CADPS2: variants seen among roughly 807,000 people sequenced by gnomAD.
CADPS2 encodes calcium-dependent secretion activator 2.
Under a neutral mutation model 172.5 loss-of-function variants are expected in CADPS2, and 93 were observed. That is an observed-to-expected ratio of 0.54 (90% CI 0.46 to 0.64). The LOEUF is 0.64. Among genes scored for constraint, CADPS2 ranks in the 30% least tolerant of loss-of-function variants. The pLI, the probability that CADPS2 is intolerant of heterozygous loss-of-function variation, is 0.00. For synonymous variants in CADPS2, 546 were observed against 555.2 expected (o/e 0.98, Z 0.23); for missense variants, 1,420 against 1,565.9 (o/e 0.91, Z 1.57).
intron 11 of CADPS2, among the ~76,000 whole-genome samples, chr7:122,485,522 G>T (rs2057719327): frequency 6.6e-6 from 1 of 152,204 alleles, no homozygotes; most frequent in South Asian, 2.1e-4. Flanking sequence ...TGACAGCTGA[G>T]AGAGGTGAAG....
At position 122,680,148 on chromosome 7, in the gene CADPS2, C is replaced by T. The variant is rs886769104; in HGVS notation, c.454-16579G>A. 4.6e-5 allele frequency among the ~76,000 whole-genome samples: 7 copies of T among 152,160 alleles called. No individual in the cohort carries two copies. The South Asian group carries it at 8.3e-4, about 18-fold the overall frequency. On this transcript the variant is annotated intron_variant, in intron 2 of 29. Transcript: ENST00000449022. ...CCTTTCTTGGCACACAAAAAAAGTACAATATCTGACCTCTGTTTTTATTTA... is the reference window on the plus strand; with the variant it reads ...CCTTTCTTGGCACACAAAAAAAGTATAATATCTGACCTCTGTTTTTATTTA...
At chr7:122,615,145 A>G (rs1450518880) in intron 6 of CADPS2, 36 bp downstream of exon 6, 12 of 1,282,510 alleles carry the variant, frequency 9.4e-6, no homozygotes, top group Non-Finnish European at 1.2e-5. Context: ...AAAAAAACAA[A>G]CAACAACAAT....
intron 1 of CADPS2, among the ~76,000 whole-genome samples, chr7:122,773,102 C>G (rs1423517857): frequency 3.3e-5 from 5 of 151,968 alleles, no homozygotes; most frequent in Non-Finnish European, 7.4e-5. Flanking sequence ...TAAATTATTT[C>G]AAATGTCCAA....
At chr7:122,388,810 T>C (rs2044010224) in intron 22 of CADPS2, 72 bp from the exon 23 acceptor site, 4 of 1,328,498 alleles carry the variant, frequency 3.0e-6, no homozygotes, top group Non-Finnish European at 1.0e-6. Flanking sequence ...CATTGTTTTT[T>C]CTTTTCTGCA....
intron 3 of CADPS2, among the ~76,000 whole-genome samples, chr7:122,638,495 T>G (rs1439391859): frequency 1.3e-5 from 2 of 151,854 alleles, no homozygotes; most frequent in Non-Finnish European, 2.9e-5. Flanking sequence ...CAAGAGGGAG[T>G]AGAGCAATCT....
intron 5 of CADPS2, among the ~76,000 whole-genome samples, chr7:122,619,089 T>C (rs892309065): frequency 2.6e-5 from 4 of 152,120 alleles, no homozygotes; most frequent in African/African-American, 4.8e-5. Flanking sequence ...ATATTGGCAA[T>C]AAAGCACAGA....
intron 28 of CADPS2, among the ~76,000 whole-genome samples, chr7:122,335,590 G>A (rs2035737144): frequency 6.6e-6 from 1 of 152,206 alleles, no homozygotes; most frequent in Admixed American, 6.5e-5. Flanking sequence ...GAGGTCAGTA[G>A]AGCAAAAGTA....
At chr7:122,698,987 T>A (rs1282404899) in intron 2 of CADPS2, 4 of 1,143,064 alleles carry the variant, frequency 3.5e-6, no homozygotes, top group Non-Finnish European at 3.7e-6. Context: ...TAATTTAAAA[T>A]AACGAAGAGA....
In CADPS2 at chr7:122,774,267, T is replaced by TAC. The variant is rs1204089273; in HGVS notation, c.340-37200_340-37199insGT. On this transcript the variant is annotated intron_variant, in intron 1 of 29. Transcript: ENST00000449022. ...ATATATATATATAGACATAGATAGATATACACACACACACACACACACACA... is the reference window on the plus strand; with the variant it reads ...ATATATATATATAGACATAGATAGATACATACACACACACACACACACACACA... Among the ~76,000 whole-genome samples the TAC allele has an allele frequency of 8.4e-4, 101 of 119,576 alleles. No individual in the cohort carries two copies. The East Asian group carries it at 0.013, about 15-fold the overall frequency. 78.4% of individuals were successfully genotyped at this position (119,576 alleles called of 152,430 possible).
At chr7:122,429,661 A>C (rs1338733190) in intron 17 of CADPS2, among the ~76,000 whole-genome samples, 1 of 152,104 alleles carries the variant, frequency 6.6e-6, no homozygotes, top group African/African-American at 2.4e-5. Context: ...TAAGATACAA[A>C]TTACTTTTTG....
intron 1 of CADPS2, among the ~76,000 whole-genome samples, chr7:122,853,325 G>A (rs1323385500): frequency 1.3e-5 from 2 of 152,164 alleles, no homozygotes; most frequent in African/African-American, 2.4e-5. Context: ...CCCCTGTGGG[G>A]TACACCCTCC....
intron 8 of CADPS2, among the ~76,000 whole-genome samples, chr7:122,551,617 T>C (rs1189339511): frequency 1.3e-5 from 2 of 152,082 alleles, no homozygotes; most frequent in East Asian, 1.9e-4. Flanking sequence ...AAGTCTAAAG[T>C]GCTCTGAAGA....
intron 4 of CADPS2, among the ~76,000 whole-genome samples, chr7:122,624,804 T>C (rs1178104755): frequency 6.6e-6 from 1 of 152,206 alleles, no homozygotes; most frequent in Non-Finnish European, 1.5e-5. Context: ...GTGTCTGCTA[T>C]GTGTTCTGCT....
At chr7:122,876,695 G>T (rs889134911) in intron 1 of CADPS2, among the ~76,000 whole-genome samples, 6 of 151,900 alleles carry the variant, frequency 3.9e-5, no homozygotes, top group Admixed American at 3.3e-4. Context: ...TTTTTAGGAA[G>T]AATATAATCT....
chr7:122,358,641 G>A (rs930825825), intron 27 of CADPS2, among the ~76,000 whole-genome samples: 6 of 152,110 alleles, frequency 3.9e-5, no homozygotes, highest in Admixed American at 6.5e-5. Flanking sequence ...GTGAGCCAGC[G>A]CTCTTTTTCT....
In CADPS2 at chr7:122,569,558, GA is replaced by G. The variant is rs1395648245; in HGVS notation, c.1335+11620del. On this transcript the variant is annotated intron_variant, in intron 7 of 29. Coordinates refer to ENST00000449022, the MANE Select transcript of CADPS2 (RefSeq NM_017954.11). ...TTAAAGTTCATATGGAACCAAAAAA[GA>G]GCCTGCATTGCCAAGACAATCCTAA... is the stretch of plus-strand genomic sequence containing the variant. Among the ~76,000 whole-genome samples the G allele has an allele frequency of 4.0e-5, 5 of 124,512 alleles. 2 individuals are homozygous for G. The Admixed American group carries it at 4.1e-4, about 10-fold the overall frequency. 81.7% of individuals were successfully genotyped at this position (124,512 alleles called of 152,430 possible).
intron 1 of CADPS2, among the ~76,000 whole-genome samples, chr7:122,820,175 A>C (rs935124752): frequency 2.0e-5 from 3 of 151,992 alleles, no homozygotes; most frequent in East Asian, 3.9e-4. Flanking sequence ...GATCTCAAAT[A>C]TGCTTTCTTT....
At chr7:122,837,192 G>A (rs376363533) in intron 1 of CADPS2, among the ~76,000 whole-genome samples, 7 of 152,282 alleles carry the variant, frequency 4.6e-5, no homozygotes, top group East Asian at 1.9e-4. Flanking sequence ...GGTACATAAC[G>A]AAATGAAGGC....
At chr7:122,621,852 T>C (rs1178198001) in intron 4 of CADPS2, 135 bp from the exon 5 acceptor site, 2 of 606,172 alleles carry the variant, frequency 3.3e-6, no homozygotes, top group Non-Finnish European at 5.7e-6. Flanking sequence ...CTTGAGTCAC[T>C]AGGCTGTAAA....
Sources: gnomAD v4.1 joint callset for allele counts (sites outside exome capture counted in the v4.1 genomes callset) on GRCh38, gnomAD v4.1.1 for gene constraint, MANE v1.5 for transcripts, NCBI Gene and HGNC (gene_info 2026-07-23, HGNC 2026-07-21) for gene names.